The following RYR2 variants were observed in gnomAD, a reference collection of about 807,000 sequenced individuals.
RYR2 encodes the protein ryanodine receptor 2.
In RYR2, 227 loss-of-function variants were observed where a neutral mutation model predicts 601.1. That is an observed-to-expected ratio of 0.38 (90% CI 0.34 to 0.42). The LOEUF (loss-of-function observed/expected upper bound fraction) is 0.42. Among genes scored for constraint, RYR2 ranks in the 10% least tolerant of loss-of-function variants. RYR2 has a pLI of 1.00. For synonymous variants in RYR2, 2,223 were observed against 2,175.1 expected, an observed-to-expected ratio of 1.02 and a Z score of -0.61; for missense variants, 4,646 against 6,156.5, an observed-to-expected ratio of 0.75 and a Z score of 8.21.
chr1:237,179,605 C>A (rs1461748987), intron 1 of RYR2, among the ~76,000 whole-genome samples: 1 of 152,088 alleles, frequency 6.6e-6, no homozygotes, highest in Non-Finnish European at 1.5e-5. Flanking sequence ...AGATGGAATT[C>A]TTCTTGTTTT....
Position 237,590,721 on chromosome 1 carries a change from A to G in RYR2, c.3889A>G (p.Thr1297Ala). 2 of 1,610,988 alleles carry G rather than the reference A, an allele frequency of 1.2e-6. No individual in the cohort carries two copies. The highest frequency in any genetic ancestry group is 2.2e-5 in the East Asian group (1 of 44,832). ...GTCTTTTGGTTCTCAGAACAGCAAC[A>G]CTGATATCATGTTTTATCGCCTGAG... Reference protein sequence around the residue: ...QKSFGSQNSNTDIMFYRLSMP... With the variant: ...QKSFGSQNSNADIMFYRLSMP... Residue 1297 changes from threonine (T) to alanine (A), a missense_variant, in exon 31 of 105, where the codon ACT (threonine) becomes GCT (alanine). Coordinates refer to ENST00000366574, the MANE Select transcript of RYR2 (RefSeq NM_001035.3).
chr1:237,144,369 TC>T (rs1405347267), intron 1 of RYR2, among the ~76,000 whole-genome samples: 1 of 152,132 alleles, frequency 6.6e-6, no homozygotes, highest in Non-Finnish European at 1.5e-5. Flanking sequence ...CTCATTCCTA[TC>T]TTTATGTCAG....
chr1:237,286,540 G>A (rs551053991), intron 2 of RYR2, among the ~76,000 whole-genome samples: 5 of 10,788 alleles, frequency 4.6e-4, no homozygotes, highest in Non-Finnish European at 9.7e-4. Flanking sequence ...CTTCCAATGT[G>A]TAGTTTAAAT....
At chr1:237,493,603 C>A (rs1373621372) in intron 19 of RYR2, among the ~76,000 whole-genome samples, 3 of 152,104 alleles carry the variant, frequency 2.0e-5, no homozygotes, top group African/African-American at 7.2e-5. Flanking sequence ...CAGGTGCCCG[C>A]CACCACGCCT....
chr1:237,419,077 G>A (rs989116566), intron 11 of RYR2, among the ~76,000 whole-genome samples: 2 of 151,888 alleles, frequency 1.3e-5, no homozygotes, highest in African/African-American at 4.8e-5. Context: ...AAATGAAAGA[G>A]TAAAGAAGTG....
At chr1:237,119,448 G>A (rs1670525322) in intron 1 of RYR2, among the ~76,000 whole-genome samples, 1 of 152,166 alleles carries the variant, frequency 6.6e-6, no homozygotes, top group African/African-American at 2.4e-5. Flanking sequence ...GTGTGCGTAT[G>A]CTCTCATCTT....
chr1:237,731,891 T>TACACACTCAC (rs1553303582), intron 77 of RYR2, among the ~76,000 whole-genome samples, 155 bp from the exon 78 acceptor site: 2 of 147,404 alleles, frequency 1.4e-5, no homozygotes, highest in Non-Finnish European at 3.0e-5. Context: ...GCATATAAAA[T>TACACACTCAC]ACACACACAC....
intron 1 of RYR2, among the ~76,000 whole-genome samples, chr1:237,186,666 G>A (rs954748831): frequency 2.0e-5 from 3 of 152,170 alleles, no homozygotes; most frequent in Non-Finnish European, 4.4e-5. Context: ...TTGCATAAGA[G>A]TCCCCATCAC....
chr1:237,657,607 C>CT, intron 53 of RYR2, among the ~76,000 whole-genome samples: 1 of 151,334 alleles, frequency 6.6e-6, no homozygotes, highest in East Asian at 1.9e-4. Flanking sequence ...CTTGTTTTTT[C>CT]TTTTTTGTGT....
At chr1:237,641,505 C>G (rs1254295291) in intron 47 of RYR2, among the ~76,000 whole-genome samples, 1 of 122,640 alleles carries the variant, frequency 8.2e-6, no homozygotes, top group African/African-American at 2.9e-5. Context: ...TTCTTTCTTT[C>G]TTTCTTTCTT....
chr1:237,139,648 G>A (rs1171351555), intron 1 of RYR2, among the ~76,000 whole-genome samples: 1 of 152,166 alleles, frequency 6.6e-6, no homozygotes, highest in East Asian at 1.9e-4. Context: ...GAGGTACTTG[G>A]TGTCTATCTC....
In RYR2 at chr1:237,423,193, T is replaced by C. The variant is rs367601258; in HGVS notation, c.950T>C (p.Met317Thr). 208 of 1,613,696 alleles carry C rather than the reference T, an allele frequency of 1.3e-4. No homozygotes were observed. The highest frequency in any genetic ancestry group is 1.6e-4 in the Non-Finnish European group (191 of 1,179,828). The change falls in exon 12 of 105, where the codon ATG (methionine) becomes ACG (threonine). Residue 317 changes from methionine (M) to threonine (T), a missense_variant. Physicochemically the swap from Met to Thr is moderately conservative, Grantham distance 81 (BLOSUM62 -1). Transcript: ENST00000366574. Reference protein sequence around the residue: ...SLMEDKNLLLMDKEKADVKST... With the variant: ...SLMEDKNLLLTDKEKADVKST... Reference sequence around the variant, plus strand: ...ATGGAAGACAAAAACCTTCTACTCATGGACAAAGAGAAAGCTGATGTAAAA... The same window carrying C: ...ATGGAAGACAAAAACCTTCTACTCACGGACAAAGAGAAAGCTGATGTAAAA...
intron 5 of RYR2, among the ~76,000 whole-genome samples, chr1:237,369,007 A>G (rs1221116416): frequency 6.6e-6 from 1 of 151,886 alleles, no homozygotes; most frequent in Non-Finnish European, 1.5e-5. Context: ...TAGTTTTACT[A>G]GAGATGGGGT....
intron 8 of RYR2, among the ~76,000 whole-genome samples, chr1:237,382,646 G>T (rs778930889): frequency 1.3e-5 from 2 of 151,232 alleles, no homozygotes; most frequent in African/African-American, 2.4e-5. Flanking sequence ...CTATCGTTGC[G>T]ATAGTTTGCT....
chr1:237,096,021 G>GA (rs1667470465), intron 1 of RYR2, among the ~76,000 whole-genome samples: 1 of 152,278 alleles, frequency 6.6e-6, no homozygotes, highest in East Asian at 1.9e-4. Context: ...AAATGATTCT[G>GA]AAAAATTGGA....
rs147925988 is a variant in RYR2, at chr1:237,219,662, G to A, written c.49-50835G>A. On this transcript the variant is annotated intron_variant, in intron 1 of 104. Transcript: ENST00000366574. ...CTGAGATCCTGCTAGAAAGGAAGAAGGAGGGAAAGGATATAATCTCGAAGA... is the reference window on the plus strand; with the variant it reads ...CTGAGATCCTGCTAGAAAGGAAGAAAGAGGGAAAGGATATAATCTCGAAGA... 6.0e-3 allele frequency among the ~76,000 whole-genome samples: 916 copies of A among 152,264 alleles called. 9 individuals are homozygous for A. The highest frequency in any genetic ancestry group is 0.021 in the African/African-American group (884 of 41,546).
intron 10 of RYR2, among the ~76,000 whole-genome samples, chr1:237,413,487 C>A (rs1175259353): frequency 6.6e-6 from 1 of 151,968 alleles, no homozygotes; most frequent in Non-Finnish European, 1.5e-5. Flanking sequence ...TGTATAAATC[C>A]ATATAACTTT....
At chr1:237,635,718 A>G (rs1468412040) in intron 44 of RYR2, among the ~76,000 whole-genome samples, 1 of 152,162 alleles carries the variant, frequency 6.6e-6, no homozygotes, top group African/African-American at 2.4e-5. Flanking sequence ...TCTCACTCCC[A>G]GTAAAAATCA....
intron 104 of RYR2, among the ~76,000 whole-genome samples, chr1:237,832,213 G>GT (rs747564786): frequency 0.013 from 1,847 of 143,590 alleles, 20 homozygotes; most frequent in African/African-American, 0.032. Context: ...TTTTTTTTGT[G>GT]TTTTTTTTTT....
Sources: allele counts gnomAD v4.1 joint callset (sites outside exome capture counted in the v4.1 genomes callset), GRCh38; gene constraint gnomAD v4.1.1; transcripts MANE v1.5; gene names NCBI Gene and HGNC (gene_info 2026-07-23, HGNC 2026-07-21).